Variants in XYLT1 observed in about 807,000 individuals in gnomAD.
The protein encoded by XYLT1 is beta-D-xylosyltransferase 1.
Under a neutral mutation model 91.3 loss-of-function variants are expected in XYLT1, and 36 were observed. The observed-to-expected ratio is 0.39, with a 90% CI of 0.30 to 0.52. The LOEUF is 0.52. XYLT1 is among the 20% of genes least tolerant of loss of function. The pLI, the probability that XYLT1 is intolerant of heterozygous loss-of-function variation, is 0.68. For missense variants in XYLT1, 1,242 were observed against 1,284.5 expected, an observed-to-expected ratio of 0.97 and a Z score of 0.51; for synonymous variants, 588 against 532.0, an observed-to-expected ratio of 1.11 and a Z score of -1.45.
chr16:17,408,950 G>A (rs188226525), intron 1 of XYLT1, among the ~76,000 whole-genome samples: 43 of 152,326 alleles, frequency 2.8e-4, no homozygotes, highest in Middle Eastern at 3.4e-3. Flanking sequence ...TGTTCTGAGC[G>A]CAAAGGCCAG....
chr16:17,419,991 T>C (rs2036231591), intron 1 of XYLT1, among the ~76,000 whole-genome samples: 1 of 152,214 alleles, frequency 6.6e-6, no homozygotes, highest in Admixed American at 6.5e-5. Flanking sequence ...AGGAGAGTAA[T>C]CCACTCATTA....
intron 2 of XYLT1, among the ~76,000 whole-genome samples, chr16:17,298,533 C>T (rs775685814): frequency 6.6e-6 from 1 of 152,098 alleles, no homozygotes; most frequent in South Asian, 2.1e-4. Context: ...CTCTGAGGTC[C>T]CTTAAAGTCT....
At chr16:17,360,173 T>C (rs1425958002) in intron 1 of XYLT1, among the ~76,000 whole-genome samples, 1 of 152,198 alleles carries the variant, frequency 6.6e-6, no homozygotes, top group Non-Finnish European at 1.5e-5. Context: ...GACTGGGGTG[T>C]TGGGTGCATG....
intron 6 of XYLT1, among the ~76,000 whole-genome samples, chr16:17,148,334 T>G (rs1350492605): frequency 6.6e-6 from 1 of 152,238 alleles, no homozygotes; most frequent in South Asian, 2.1e-4. Context: ...TTTGTATTTC[T>G]CCACAGGACT....
At chr16:17,455,219 C>T (rs1012232647) in intron 1 of XYLT1, among the ~76,000 whole-genome samples, 11 of 152,124 alleles carry the variant, frequency 7.2e-5, no homozygotes, top group Admixed American at 2.6e-4. Context: ...GCTCTGAATT[C>T]GGGTGCTGGT....
intron 1 of XYLT1, among the ~76,000 whole-genome samples, chr16:17,424,561 AC>A (rs1405090752): frequency 6.6e-6 from 1 of 152,150 alleles, no homozygotes; most frequent in Non-Finnish European, 1.5e-5. Context: ...TGCTGTAGAA[AC>A]ACCAAGAAAA....
At chr16:17,398,739 G>A (rs1369615947) in intron 1 of XYLT1, among the ~76,000 whole-genome samples, 2 of 150,504 alleles carry the variant, frequency 1.3e-5, no homozygotes, top group Admixed American at 6.7e-5. Context: ...TCCTTCGCTT[G>A]TAGATACATC....
chr16:17,220,103 G>A (rs118026250), intron 3 of XYLT1, among the ~76,000 whole-genome samples: 1 of 152,222 alleles, frequency 6.6e-6, no homozygotes, highest in East Asian at 1.9e-4. Flanking sequence ...GAGACAGAAC[G>A]TGTGCTACCA....
intron 4 of XYLT1, 62 bp from the exon 5 acceptor site, chr16:17,198,476 C>G: frequency 6.6e-7 from 1 of 1,519,148 alleles, no homozygotes; most frequent in Non-Finnish European, 8.9e-7. Flanking sequence ...AGGCATGCCC[C>G]TCACCCCTGT....
At chr16:17,227,586 GC>G in intron 3 of XYLT1, 1 of 152,274 alleles carries the variant, frequency 6.6e-6, no homozygotes. Flanking sequence ...GTCTGCTTTG[GC>G]CCAGGAAGGT....
At chr16:17,353,036 A>G (rs2035242777) in intron 2 of XYLT1, among the ~76,000 whole-genome samples, 1 of 152,214 alleles carries the variant, frequency 6.6e-6, no homozygotes, top group Non-Finnish European at 1.5e-5. Context: ...TGGCCCCAGC[A>G]TCATCTTTAA....
In XYLT1 at chr16:17,141,005, A is replaced by G. The variant is rs1013901664; in HGVS notation, c.1587+148T>C. ...TGTGCAGACTGGAGGGAGACCAGGCATCCTGCTAAGACAGCAAGGATGTCT... is the reference window on the plus strand; with the variant it reads ...TGTGCAGACTGGAGGGAGACCAGGCGTCCTGCTAAGACAGCAAGGATGTCT... On this transcript the variant is annotated intron_variant, in intron 7 of 11. Transcript: ENST00000261381. 2.7e-5 allele frequency: 21 copies of G among 785,448 alleles called. No individual in the cohort carries two copies. The East Asian group carries it at 5.2e-4, about 19-fold the overall frequency. 48.7% of individuals were successfully genotyped at this position (785,448 alleles called of 1,614,324 possible).
At chr16:17,132,860 C>T (rs750054798) in intron 9 of XYLT1, among the ~76,000 whole-genome samples, 4 of 152,144 alleles carry the variant, frequency 2.6e-5, no homozygotes, top group Non-Finnish European at 4.4e-5. Context: ...CACATCACTG[C>T]ACTCCAGCTT....
chr16:17,230,869 C>CACA (rs1439701097), intron 3 of XYLT1, among the ~76,000 whole-genome samples: 2 of 152,166 alleles, frequency 1.3e-5, no homozygotes, highest in African/African-American at 4.8e-5. Flanking sequence ...TTTTCATTGC[C>CACA]ACAACTGGGT....
intron 5 of XYLT1, among the ~76,000 whole-genome samples, chr16:17,176,118 G>A (rs2031937530): frequency 6.6e-6 from 1 of 152,082 alleles, no homozygotes; most frequent in African/African-American, 2.4e-5. Context: ...CAGCCACAGT[G>A]GTGTTATATG....
chr16:17,176,981 T>A (rs2031959589), intron 5 of XYLT1, among the ~76,000 whole-genome samples: 2 of 152,154 alleles, frequency 1.3e-5, no homozygotes, highest in Admixed American at 6.5e-5. Flanking sequence ...AACCTGGCTC[T>A]AAAGGTCCCA....
At chr16:17,148,937 T>A (rs2031209485) in intron 6 of XYLT1, among the ~76,000 whole-genome samples, 1 of 152,382 alleles carries the variant, frequency 6.6e-6, no homozygotes, top group South Asian at 2.1e-4. Flanking sequence ...TATGAAATCA[T>A]TTGCATTCAG....
chr16:17,332,624 A>G (rs933906052), intron 2 of XYLT1, among the ~76,000 whole-genome samples: 1 of 151,582 alleles, frequency 6.6e-6, no homozygotes, highest in African/African-American at 2.4e-5. Context: ...CTTCCTGAGC[A>G]AAGTGGGACT....
At chr16:17,346,472 T>C (rs938238395) in intron 2 of XYLT1, among the ~76,000 whole-genome samples, 2 of 152,212 alleles carry the variant, frequency 1.3e-5, no homozygotes, top group African/African-American at 4.8e-5. Flanking sequence ...TCACCAGTCA[T>C]GGACATCCAG....
Sources: gnomAD v4.1 joint callset for allele counts (sites outside exome capture counted in the v4.1 genomes callset) on GRCh38, gnomAD v4.1.1 for gene constraint, MANE v1.5 for transcripts, NCBI Gene and HGNC (gene_info 2026-07-23, HGNC 2026-07-21) for gene names.